The following ZNF563 variants were observed in gnomAD, a reference collection of about 807,000 sequenced individuals.
The protein encoded by ZNF563 is zinc finger protein 563.
A neutral mutation model predicts 48.5 loss-of-function variants in ZNF563; 39 were observed. The ratio of observed to expected loss-of-function variants is 0.80; its 90% CI spans 0.62 to 1.05. The LOEUF is 1.05. ZNF563 is among the 50% of genes least tolerant of loss of function. The pLI, the probability that ZNF563 is intolerant of heterozygous loss-of-function variation, is 0.00. For missense variants in ZNF563, 538 were observed against 597.0 expected (o/e 0.90, Z 1.03); for synonymous variants, 168 against 187.9 (o/e 0.89, Z 0.87).
intron 3 of ZNF563, 57 bp from the exon 4 acceptor site, chr19:12,319,890 A>G (rs1968563241): frequency 3.4e-6 from 5 of 1,479,694 alleles, no homozygotes; most frequent in Admixed American, 4.1e-5. Context: ...TTATTTATTT[A>G]TGTGTATTAA....
the ZNF563 span, among the ~76,000 whole-genome samples, chr19:12,344,666 T>C: frequency 7.9e-5 from 12 of 152,258 alleles, no homozygotes; most frequent in South Asian, 2.3e-3. Flanking sequence ...GAAGACAGGA[T>C]GCCCACTTTC....
chr19:12,331,931 T>C (rs1226588119), intron 1 of ZNF563, among the ~76,000 whole-genome samples: 1 of 152,156 alleles, frequency 6.6e-6, no homozygotes, highest in African/African-American at 2.4e-5. Context: ...TTCTTGTTGG[T>C]TTTTACAGCA....
rs545624317 is a variant in ZNF563, at chr19:12,318,088, C to T, written c.*506G>A. The T allele has an allele frequency of 1.2e-5, 2 of 164,174 alleles. No homozygotes were observed. Among genetic ancestry groups the T allele is most frequent in the Non-Finnish European group, 2.6e-5 (2 of 75,894 alleles). The allele number at this position is 164,174 out of a possible 1,614,324, so 10.2% of individuals were successfully genotyped here. A position where few individuals can be genotyped will look rare whatever the true frequency, so the allele number is the denominator to read the frequency against. On this transcript the variant is annotated 3_prime_UTR_variant, in exon 4 of 4. Transcript: ENST00000293725. ...GTGCATCTTGGCTCACTGCAACCCC[C>T]ACCCCTTGGGCTCAAGAGATCTTCC...
chr19:12,343,491 C>T, the ZNF563 span, among the ~76,000 whole-genome samples: 2 of 151,802 alleles, frequency 1.3e-5, no homozygotes, highest in Non-Finnish European at 2.9e-5. Flanking sequence ...TTAAAAGGCA[C>T]TACAAAGAAG....
Position 12,319,150 on chromosome 19 carries a change from A to G in ZNF563, c.875T>C (p.Val292Ala), listed in dbSNP as rs2145796094. Residue 292 changes from valine to alanine, a missense_variant, in exon 4 of 4, where the codon GTT becomes GCT. Transcript: ENST00000293725. ...TTCATGTCTTCGAAGGGAACTGGAA[A>G]CACTGAAGGCTTTCCCACACTGTTT... is the stretch of plus-strand genomic sequence containing the variant. ...TCKQCGKAFS[V>A]SSSLRRHETT... 6.2e-7 allele frequency: 1 copy of G among 1,613,178 alleles called. No homozygotes were observed. The highest frequency in any genetic ancestry group is 8.5e-7 in the Non-Finnish European group (1 of 1,179,740).
the ZNF563 span, among the ~76,000 whole-genome samples, chr19:12,342,188 T>G: frequency 5.3e-5 from 8 of 151,966 alleles, no homozygotes; most frequent in Non-Finnish European, 1.0e-4. Flanking sequence ...TGGCTAATTT[T>G]TTCAAATTTT....
the ZNF563 span, among the ~76,000 whole-genome samples, chr19:12,343,891 C>A: frequency 6.6e-6 from 1 of 151,612 alleles, no homozygotes; most frequent in African/African-American, 2.4e-5. Context: ...CCACCACGCC[C>A]GGCTAATTTT....
chr19:12,327,179 G>A (rs1238484331), intron 1 of ZNF563, among the ~76,000 whole-genome samples: 1 of 152,110 alleles, frequency 6.6e-6, no homozygotes, highest in Non-Finnish European at 1.5e-5. Context: ...AGAGGTAGTT[G>A]AGCTGGGTGC....
At chr19:12,330,150 C>T (rs1475932013) in intron 1 of ZNF563, among the ~76,000 whole-genome samples, 1 of 152,054 alleles carries the variant, frequency 6.6e-6, no homozygotes, top group African/African-American at 2.4e-5. Flanking sequence ...GAACTCGTGA[C>T]CTCAGATGAT....
intron 1 of ZNF563, among the ~76,000 whole-genome samples, chr19:12,327,591 A>G (rs975344364): frequency 6.6e-6 from 1 of 152,176 alleles, no homozygotes; most frequent in Admixed American, 6.5e-5. Flanking sequence ...TTAAATGTGT[A>G]TTATCTATAT....
the ZNF563 span, among the ~76,000 whole-genome samples, chr19:12,343,317 T>C: frequency 3.9e-5 from 6 of 152,046 alleles, no homozygotes; most frequent in Non-Finnish European, 7.4e-5. Flanking sequence ...GGAGACAAAC[T>C]GGGTGTGGTG....
chr19:12,327,187 T>C (rs1968814631), intron 1 of ZNF563, among the ~76,000 whole-genome samples: 1 of 151,964 alleles, frequency 6.6e-6, no homozygotes, highest in Non-Finnish European at 1.5e-5. Context: ...TTGAGCTGGG[T>C]GCGGTGGCTC....
At chr19:12,333,813 T>A (rs922852202), upstream of ZNF563, 26 of 384,646 alleles carry the variant, frequency 6.8e-5, no homozygotes, top group East Asian at 1.1e-3. Context: ...CACACAGTGC[T>A]GAGTCGAGCG....
intron 3 of ZNF563, among the ~76,000 whole-genome samples, 191 bp from the exon 4 acceptor site, chr19:12,320,024 C>G (rs1308396648): frequency 6.6e-6 from 1 of 151,738 alleles, no homozygotes. Context: ...TCAAGCGATT[C>G]TCCTGCCTCA....
intron 1 of ZNF563, among the ~76,000 whole-genome samples, chr19:12,325,207 C>A (rs141354157): frequency 2.5e-4 from 38 of 152,192 alleles, no homozygotes; most frequent in African/African-American, 7.2e-4. Flanking sequence ...TAAGGCCAGG[C>A]ACGGTGGCTC....
In ZNF563 at chr19:12,319,594, T is replaced by C. The variant is rs1968551158; in HGVS notation, c.431A>G (p.Lys144Arg). ...GTAACTGAAGGCTTTCCCACGTTGT[T>C]TATGTGTATGTGGCTTCTCTCCATA... ...QEYGEKPHTH[K>R]QRGKAFSYHH... is the part of the protein sequence containing the mutation. Residue 144 changes from lysine (K) to arginine (R), a missense_variant, in exon 4 of 4, where the codon AAA (lysine) becomes AGA (arginine). Lys to Arg is a conservative substitution (Grantham distance 26, BLOSUM62 2). Coordinates refer to ENST00000293725, the MANE Select transcript of ZNF563 (RefSeq NM_145276.3). The C allele has an allele frequency of 6.2e-7, 1 of 1,614,074 alleles. No homozygotes were observed. Among genetic ancestry groups the C allele is most frequent in the South Asian group, 1.1e-5 (1 of 91,090 alleles).
chr19:12,333,462 C>A lies in ZNF563; in HGVS notation c.3+18G>T. The A allele has an allele frequency of 6.2e-7, 1 of 1,613,472 alleles. No homozygotes were observed. The highest frequency in any genetic ancestry group is 8.5e-7 in the Non-Finnish European group (1 of 1,179,684). ...CAGCTCTTTCCCACTTTTGGGACGCCTGACCCTGCACACGCACCATTTCCC... is the reference window on the plus strand; with the variant it reads ...CAGCTCTTTCCCACTTTTGGGACGCATGACCCTGCACACGCACCATTTCCC... On this transcript the variant is annotated intron_variant, in intron 1 of 3. Transcript: ENST00000293725.
At chr19:12,343,976 G>A in the ZNF563 span, among the ~76,000 whole-genome samples, 9 of 152,036 alleles carry the variant, frequency 5.9e-5, no homozygotes, top group Middle Eastern at 3.4e-3. Flanking sequence ...TGATCCGCCC[G>A]CCTCGGCCTC....
intron 1 of ZNF563, among the ~76,000 whole-genome samples, chr19:12,329,200 G>A (rs761584480): frequency 2.0e-5 from 3 of 152,158 alleles, no homozygotes; most frequent in Non-Finnish European, 2.9e-5. Context: ...CAGGCTGGGC[G>A]CGTTGGCTCA....
Sources: allele counts gnomAD v4.1 joint callset (sites outside exome capture counted in the v4.1 genomes callset), GRCh38; gene constraint gnomAD v4.1.1; transcripts MANE v1.5; gene names NCBI Gene and HGNC (gene_info 2026-07-23, HGNC 2026-07-21).